The following TAAR1 variants were observed in gnomAD, a reference collection of about 807,000 sequenced individuals.
TAAR1 encodes the protein trace amine associated receptor 1, also known as trace amine-associated receptor 1.
A neutral mutation model predicts 1.2 loss-of-function variants in TAAR1; 1 was observed. The observed-to-expected ratio is 0.81, with a 90% CI of 0.29 to 3.86. The LOEUF is 3.86. TAAR1 is among the 30% of genes most tolerant of loss of function. The probability of loss-of-function intolerance (pLI) is 0.18; values close to 1 mark genes in which losing one functional copy is unlikely to be tolerated. For synonymous variants in TAAR1, 153 were observed against 132.2 expected (o/e 1.16, Z -1.08); for missense variants, 445 against 405.6 (o/e 1.10, Z -0.83).
At chr6:132,650,896 T>C (rs1777741768) in intron 1 of TAAR1, among the ~76,000 whole-genome samples, 1 of 152,190 alleles carries the variant, frequency 6.6e-6, no homozygotes, top group South Asian at 2.1e-4. Context: ...GAAGCTCACA[T>C]CTTCTTTCAT....
intron 1 of TAAR1, among the ~76,000 whole-genome samples, chr6:132,655,863 T>C (rs1777799986): frequency 6.6e-6 from 1 of 152,134 alleles, no homozygotes; most frequent in Admixed American, 6.5e-5. Flanking sequence ...CAGCAGGAAT[T>C]GTAGATAGCC....
chr6:132,643,708 A>G lies in TAAR1; in HGVS notation c.*1276T>C, dbSNP rs543451313. Among the ~76,000 whole-genome samples the G allele has an allele frequency of 4.2e-4, 64 of 152,138 alleles. No homozygotes were observed. Among genetic ancestry groups the G allele is most frequent in the African/African-American group, 1.5e-3 (62 of 41,544 alleles). On this transcript the variant is annotated 3_prime_UTR_variant, in exon 2 of 2. Coordinates refer to ENST00000275216, the MANE Select transcript of TAAR1 (RefSeq NM_138327.4). ...AAATCCAAATCCCCAGTGATACTCA[A>G]TCTGAAACAGACCATGTGAAGTTTG...
intron 1 of TAAR1, among the ~76,000 whole-genome samples, chr6:132,656,133 C>T (rs1248125817): frequency 6.6e-6 from 1 of 152,078 alleles, no homozygotes; most frequent in Non-Finnish European, 1.5e-5. Context: ...ACCCAGCCTC[C>T]AGAGGCTGCA....
chr6:132,646,913 T>C (rs1430458276), intron 1 of TAAR1, among the ~76,000 whole-genome samples: 1 of 152,180 alleles, frequency 6.6e-6, no homozygotes, highest in Non-Finnish European at 1.5e-5. Flanking sequence ...CAACTTGAGG[T>C]CAATTTTTAA....
chr6:132,653,027 G>A (rs150032051), intron 1 of TAAR1, among the ~76,000 whole-genome samples: 9 of 152,256 alleles, frequency 5.9e-5, no homozygotes, highest in Non-Finnish European at 1.3e-4. Flanking sequence ...GCAAACAGTG[G>A]TGTCCTAATG....
rs1190549857 is a variant in TAAR1 at position 132,644,036 on chromosome 6, C to G, written c.*948G>C. On this transcript the variant is annotated 3_prime_UTR_variant, in exon 2 of 2. Transcript: ENST00000275216. ...ATATGACCTTAAGACATGGTAAAAT[C>G]CTTCTAGACATTTTCATGACTTCAG... is the stretch of plus-strand genomic sequence containing the variant. 6.6e-6 allele frequency among the ~76,000 whole-genome samples: 1 copy of G among 151,878 alleles called. No homozygotes were observed. Among genetic ancestry groups the G allele is most frequent in the African/African-American group, 2.4e-5 (1 of 41,392 alleles).
At chr6:132,651,029 A>G (rs1011613338) in intron 1 of TAAR1, among the ~76,000 whole-genome samples, 1 of 152,194 alleles carries the variant, frequency 6.6e-6, no homozygotes, top group Admixed American at 6.5e-5. Flanking sequence ...ATACTCCACC[A>G]AAACAGTTCT....
chr6:132,652,734 C>T (rs991095534), intron 1 of TAAR1, among the ~76,000 whole-genome samples: 1 of 150,466 alleles, frequency 6.6e-6, no homozygotes, highest in Non-Finnish European at 1.5e-5. Flanking sequence ...CTATTTTCCC[C>T]CTTTTCTTTG....
Position 132,645,385 on chromosome 6 carries a change from A to G in TAAR1, c.619T>C (p.Leu207=). 1 of 1,613,628 alleles carries G rather than the reference A, an allele frequency of 6.2e-7. No individual in the cohort carries two copies. Among genetic ancestry groups the G allele is most frequent in the Non-Finnish European group, 8.5e-7 (1 of 1,179,786 alleles). The change falls in exon 2 of 2, where the codon TTA becomes CTA. Residue 207 remains leucine (L), a synonymous_variant. Transcript: ENST00000275216. ...AGATATATTCTGTAATAGACACATA[A>G]CATAATAGATCCAGGTATATAAAAA... ...TSFYIPGSIM[L]CVYYRIYLIA... is the part of the protein sequence containing the mutation.
At position 132,646,447 on chromosome 6, in the gene TAAR1, G is replaced by A. The variant is rs141769486; in HGVS notation, c.-126-318C>T. On this transcript the variant is annotated intron_variant, in intron 1 of 1. Transcript: ENST00000275216. Reference sequence around the variant, plus strand: ...TGTGTCCATAGGAAGCCAGTCTAGTGGGGGAGACTTACATTGTAAAGGGTA... The same window carrying A: ...TGTGTCCATAGGAAGCCAGTCTAGTAGGGGAGACTTACATTGTAAAGGGTA... 2.4e-3 allele frequency among the ~76,000 whole-genome samples: 362 copies of A among 152,156 alleles called. 8 individuals are homozygous for A. The South Asian group carries it at 0.043, about 18-fold the overall frequency.
At chr6:132,651,770 T>G (rs1777752047) in intron 1 of TAAR1, among the ~76,000 whole-genome samples, 1 of 152,146 alleles carries the variant, frequency 6.6e-6, no homozygotes, top group Non-Finnish European at 1.5e-5. Context: ...GTACATACAT[T>G]TTCACATAAA....
chr6:132,651,228 A>C (rs2114282562), intron 1 of TAAR1, among the ~76,000 whole-genome samples: 1 of 152,268 alleles, frequency 6.6e-6, no homozygotes, highest in East Asian at 1.9e-4. Flanking sequence ...TCTCACTGGC[A>C]CTAAGTCTCA....
rs1430916519 is a variant in TAAR1, at chr6:132,645,184, C to T, written c.820G>A (p.Asp274Asn). Residue 274 changes from aspartate (D) to asparagine (N), a missense_variant, in exon 2 of 2, where the codon GAC becomes AAC. Asp to Asn is a conservative substitution (Grantham distance 23). Coordinates refer to ENST00000275216, the MANE Select transcript of TAAR1 (RefSeq NM_138327.4). ...WCPFFICTVM[D>N]PFLHYIIPPT... The stretch of plus-strand genomic sequence containing the variant: ...GGAATAATGTAGTGAAGAAAAGGGT[C>T]CATGACTGTACAGATAAAGAAAGGG... The T allele has an allele frequency of 6.2e-7, 1 of 1,613,054 alleles. No individual in the cohort carries two copies. Among genetic ancestry groups the T allele is most frequent in the Non-Finnish European group, 8.5e-7 (1 of 1,179,614 alleles).
At chr6:132,649,369 A>G (rs1777722989) in intron 1 of TAAR1, among the ~76,000 whole-genome samples, 1 of 152,018 alleles carries the variant, frequency 6.6e-6, no homozygotes, top group Non-Finnish European at 1.5e-5. Context: ...TTCATATTAT[A>G]TGATCTGGAG....
At chr6:132,652,715 A>G (rs1413812274) in intron 1 of TAAR1, among the ~76,000 whole-genome samples, 1 of 149,854 alleles carries the variant, frequency 6.7e-6, no homozygotes, top group African/African-American at 2.5e-5. Flanking sequence ...TCACAACCTG[A>G]ACTTGCTTCT....
chr6:132,649,101 C>T (rs1300516506), intron 1 of TAAR1, among the ~76,000 whole-genome samples: 1 of 152,154 alleles, frequency 6.6e-6, no homozygotes, highest in African/African-American at 2.4e-5. Context: ...ACCACCCATT[C>T]CTAATTGTTC....
At chr6:132,649,399 A>T (rs1373170453) in intron 1 of TAAR1, among the ~76,000 whole-genome samples, 1 of 152,078 alleles carries the variant, frequency 6.6e-6, no homozygotes, top group Non-Finnish European at 1.5e-5. Flanking sequence ...GTGTCCACTT[A>T]CACTCATTGC....
chr6:132,645,339 C>A lies in TAAR1; in HGVS notation c.665G>T (p.Arg222Ile), dbSNP rs761742296. The change falls in exon 2 of 2, where the codon AGA becomes ATA. Residue 222 changes from arginine to isoleucine, a missense_variant. Transcript: ENST00000275216. Reference protein sequence around the residue: ...RIYLIAKEQARLISDANQKLQ... With the variant: ...RIYLIAKEQAILISDANQKLQ... ...CTTCTGATTGGCATCACTAATTAATCTTGCCTGTTCTTTAGCGATAAGATA... is the reference window on the plus strand; with the variant it reads ...CTTCTGATTGGCATCACTAATTAATATTGCCTGTTCTTTAGCGATAAGATA... 6.2e-7 allele frequency: 1 copy of A among 1,613,384 alleles called. No homozygotes were observed. The highest frequency in any genetic ancestry group is 1.7e-5 in the Admixed American group (1 of 59,850).
chr6:132,647,096 G>C (rs1186886919), intron 1 of TAAR1, among the ~76,000 whole-genome samples: 1 of 152,032 alleles, frequency 6.6e-6, no homozygotes, highest in Non-Finnish European at 1.5e-5. Flanking sequence ...AGAGCCCAGG[G>C]AAGCTGAGTT....
Sources: allele counts gnomAD v4.1 joint callset (sites outside exome capture counted in the v4.1 genomes callset), GRCh38; gene constraint gnomAD v4.1.1; transcripts MANE v1.5; gene names NCBI Gene and HGNC (gene_info 2026-07-23, HGNC 2026-07-21).